ARAP2: variants seen among roughly 807,000 people sequenced by gnomAD.
ARAP2 encodes the protein arf-GAP with Rho-GAP domain, ANK repeat and PH domain-containing protein 2.
A neutral mutation model predicts 194.5 loss-of-function variants in ARAP2; 148 were observed. The ratio of observed to expected loss-of-function variants is 0.76; its 90% CI spans 0.67 to 0.87. The LOEUF (loss-of-function observed/expected upper bound fraction) is 0.87. ARAP2 is among the 40% of genes least tolerant of loss of function. The pLI is 0.00. For missense variants in ARAP2, 2,128 were observed against 1,989.7 expected, an observed-to-expected ratio of 1.07 and a Z score of -1.32; for synonymous variants, 695 against 683.5, an observed-to-expected ratio of 1.02 and a Z score of -0.26.
intron 3 of ARAP2, among the ~76,000 whole-genome samples, chr4:36,049,513 C>G (rs1474639721): frequency 2.0e-5 from 3 of 152,122 alleles, no homozygotes; most frequent in Non-Finnish European, 4.4e-5. Context: ...TGAGGAATGA[C>G]TAATTATTAC....
At chr4:36,159,004 T>C (rs1193522879) in intron 14 of ARAP2, 140 bp from the exon 15 acceptor site, 3 of 861,602 alleles carry the variant, frequency 3.5e-6, no homozygotes, top group Non-Finnish European at 3.3e-6. Context: ...GATACTTATT[T>C]TACTTTGCAT....
At chr4:36,080,145 C>T in intron 31 of ARAP2, 71 bp downstream of exon 31, 1 of 1,265,770 alleles carries the variant, frequency 7.9e-7, no homozygotes, top group South Asian at 1.3e-5. Context: ...CTTTAGAAAT[C>T]ACCATCACAC....
intron 28 of ARAP2, among the ~76,000 whole-genome samples, chr4:36,087,719 C>T (rs1712275764): frequency 6.6e-6 from 1 of 152,070 alleles, no homozygotes; most frequent in Admixed American, 6.6e-5. Context: ...TTTGCATTTC[C>T]TTATTTAAAA....
rs544675130 is a variant in ARAP2, at chr4:36,042,994, T to G, written n.607+2985A>C. Among the ~76,000 whole-genome samples, 660 of 152,070 alleles carry G rather than the reference T, an allele frequency of 4.3e-3. 3 individuals carry two copies. The highest frequency in any genetic ancestry group is 0.015 in the African/African-American group (628 of 41,522). On this transcript the variant is annotated intron_variant and non_coding_transcript_variant, in intron 5 of 12. Transcript: ENST00000503225. ...AGTAACTGGGATTACAGGTGCCCAC[T>G]ACCATGCCTGACTAATTTTTGTATT...
intron 2 of ARAP2, among the ~76,000 whole-genome samples, chr4:36,055,545 CTTATTTTTATTT>C (rs893319729): frequency 3.9e-5 from 6 of 151,954 alleles, no homozygotes; most frequent in African/African-American, 7.2e-5. Context: ...GTTTCAGGTA[CTTATTTTTATTT>C]TTATTTTTAT....
intron 5 of ARAP2, among the ~76,000 whole-genome samples, chr4:36,032,123 A>C (rs1488863053): frequency 6.6e-6 from 1 of 152,254 alleles, no homozygotes; most frequent in East Asian, 1.9e-4. Flanking sequence ...GTGAGTATTT[A>C]TATTATCAGA....
At chr4:36,006,383 C>T (rs1440373896) in intron 10 of ARAP2, 1 of 152,168 alleles carries the variant, frequency 6.6e-6, no homozygotes, top group East Asian at 1.9e-4. Context: ...TTGAGGAGCA[C>T]TGACTCATGA....
intron 25 of ARAP2, among the ~76,000 whole-genome samples, chr4:36,115,701 G>A (rs555141948): frequency 2.4e-4 from 37 of 152,028 alleles, no homozygotes; most frequent in African/African-American, 7.5e-4. Flanking sequence ...TTATAAACTC[G>A]GAACATCACC....
chr4:36,181,401 AT>A (rs200058133), intron 8 of ARAP2, among the ~76,000 whole-genome samples: 9,631 of 151,206 alleles, frequency 0.064, 1,031 homozygotes, highest in African/African-American at 0.22. Context: ...GAGTATAAGA[AT>A]TAAAAAAAAA....
intron 31 of ARAP2, among the ~76,000 whole-genome samples, chr4:36,075,530 A>C (rs1728059500): frequency 6.6e-6 from 1 of 151,996 alleles, no homozygotes; most frequent in Non-Finnish European, 1.5e-5. Flanking sequence ...CAGCTAACTA[A>C]ATTTAGTTTC....
chr4:36,072,685 A>C (rs1727303053), intron 32 of ARAP2, among the ~76,000 whole-genome samples: 2 of 151,054 alleles, frequency 1.3e-5, no homozygotes, highest in African/African-American at 4.8e-5. Flanking sequence ...AAACCCCAAA[A>C]AAAACAAAAA....
chr4:36,179,523 T>C (rs534921279), intron 8 of ARAP2, among the ~76,000 whole-genome samples: 8 of 152,010 alleles, frequency 5.3e-5, no homozygotes, highest in African/African-American at 1.9e-4. Flanking sequence ...TAACATAGAG[T>C]GTAAAAGGAG....
chr4:36,229,380 T>C lies in ARAP2; in HGVS notation c.107A>G (p.Lys36Arg), dbSNP rs1250718016. 2 of 1,614,008 alleles carry C rather than the reference T, an allele frequency of 1.2e-6. No individual in the cohort carries two copies. The highest frequency in any genetic ancestry group is 2.7e-5 in the African/African-American group (2 of 74,938). The change falls in exon 2 of 33, where the codon AAG (lysine) becomes AGG (arginine). Residue 36 changes from lysine to arginine, a missense_variant. Transcript: ENST00000303965. ...GCTGTCATTTATTGCTGCACAGTCCTTCACAGTAGTAAAACCAGACTCATG... is the reference window on the plus strand; with the variant it reads ...GCTGTCATTTATTGCTGCACAGTCCCTCACAGTAGTAAAACCAGACTCATG... ...HFHESGFTTV[K>R]DCAAINDSLL...
intron 5 of ARAP2, among the ~76,000 whole-genome samples, chr4:36,045,476 G>T (rs1172994912): frequency 6.6e-6 from 1 of 152,204 alleles, no homozygotes; most frequent in Non-Finnish European, 1.5e-5. Context: ...CTTACATGTG[G>T]AATATAAAAA....
chr4:36,041,246 T>G (rs1720820919), intron 5 of ARAP2, among the ~76,000 whole-genome samples: 1 of 152,078 alleles, frequency 6.6e-6, no homozygotes, highest in South Asian at 2.1e-4. Flanking sequence ...ACAACCTACC[T>G]ACAGAATGGG....
At chr4:36,085,673 T>C (rs185860748) in intron 28 of ARAP2, among the ~76,000 whole-genome samples, 1 of 152,160 alleles carries the variant, frequency 6.6e-6, no homozygotes, top group Non-Finnish European at 1.5e-5. Context: ...AAATTATTCT[T>C]ATCTATTTAT....
At chr4:36,022,303 A>G (rs1338574621) in intron 5 of ARAP2, among the ~76,000 whole-genome samples, 1 of 152,084 alleles carries the variant, frequency 6.6e-6, no homozygotes, top group Non-Finnish European at 1.5e-5. Context: ...ACAGCCATAC[A>G]TGTAGGTGGC....
At chr4:36,206,048 C>T (rs1465587262) in intron 6 of ARAP2, among the ~76,000 whole-genome samples, 1 of 152,158 alleles carries the variant, frequency 6.6e-6, no homozygotes, top group African/African-American at 2.4e-5. Context: ...CATGGACTTG[C>T]CAACTTTCTG....
chr4:36,117,254 A>T (rs992029746), intron 24 of ARAP2, 119 bp from the exon 25 acceptor site: 7 of 659,026 alleles, frequency 1.1e-5, no homozygotes, highest in Non-Finnish European at 1.7e-5. Flanking sequence ...ACAATGAAAC[A>T]AGCTCAATTC....
Sources: allele counts gnomAD v4.1 joint callset (sites outside exome capture counted in the v4.1 genomes callset), GRCh38; gene constraint gnomAD v4.1.1; transcripts MANE v1.5; gene names NCBI Gene and HGNC (gene_info 2026-07-23, HGNC 2026-07-21).